The following PCDHGA12 variants were observed in gnomAD, a reference collection of about 807,000 sequenced individuals.
PCDHGA12 encodes protocadherin gamma-A12.
A neutral mutation model predicts 61.1 loss-of-function variants in PCDHGA12; 43 were observed. That is an observed-to-expected ratio of 0.70 (90% CI 0.55 to 0.91). The LOEUF (loss-of-function observed/expected upper bound fraction) is 0.91. PCDHGA12 is among the 40% of genes least tolerant of loss of function. The pLI, the probability that PCDHGA12 is intolerant of heterozygous loss-of-function variation, is 0.00. For missense variants in PCDHGA12, 1,236 were observed against 1,227.7 expected (o/e 1.01, Z -0.10); for synonymous variants, 520 against 542.9 (o/e 0.96, Z 0.59).
chr5:141,453,101 T>TTTTTGTTTTG (rs879618609), intron 1 of PCDHGA12, among the ~76,000 whole-genome samples: 1 of 152,012 alleles, frequency 6.6e-6, no homozygotes, highest in Non-Finnish European at 1.5e-5. Flanking sequence ...TTCTGTTGCT[T>TTTTTGTTTTG]TTTTGTTTTG....
intron 1 of PCDHGA12, among the ~76,000 whole-genome samples, chr5:141,474,227 G>A (rs1394834744): frequency 6.6e-6 from 1 of 152,190 alleles, no homozygotes; most frequent in Non-Finnish European, 1.5e-5. Flanking sequence ...TGTGAATTAA[G>A]TGATGCTGAA....
At chr5:141,475,315 A>G (rs766425496) in intron 1 of PCDHGA12, among the ~76,000 whole-genome samples, 2 of 152,182 alleles carry the variant, frequency 1.3e-5, no homozygotes, top group Non-Finnish European at 2.9e-5. Flanking sequence ...CCTGGTTCTT[A>G]AGAAATGAGA....
intron 2 of PCDHGA12, among the ~76,000 whole-genome samples, chr5:141,504,078 CCAAA>C (rs1272625151): frequency 6.6e-6 from 1 of 152,078 alleles, no homozygotes; most frequent in South Asian, 2.1e-4. Context: ...CCAGATGGTG[CCAAA>C]CAGTTACCTA....
In PCDHGA12 at chr5:141,490,996, G is replaced by A; in HGVS notation, c.2425-3811G>A. ...GCGTCTCCCTCGCTCTGCTCCTCCT[G>A]GCTCCTTGGTCACCAAGGTGACAGC... is the stretch of plus-strand genomic sequence containing the variant. On this transcript the variant is annotated intron_variant, in intron 1 of 3. Transcript: ENST00000252085. This position sits in a 1 kb window ranked among gnomAD's most constrained non-coding sequence, Gnocchi z 5.4. The A allele has an allele frequency of 6.2e-7, 1 of 1,614,090 alleles. No individual in the cohort carries two copies. The highest frequency in any genetic ancestry group is 8.5e-7 in the Non-Finnish European group (1 of 1,180,028).
At chr5:141,440,382 C>T (rs898655247) in intron 1 of PCDHGA12, 2 of 152,178 alleles carry the variant, frequency 1.3e-5, no homozygotes, top group Non-Finnish European at 2.9e-5. Context: ...AGGAGAATCG[C>T]TTGAACCCGA....
At chr5:141,494,644 G>A in intron 1 of PCDHGA12, 163 bp from the exon 2 acceptor site, 1 of 933,684 alleles carries the variant, frequency 1.1e-6, no homozygotes. Flanking sequence ...TGAGACCTGA[G>A]GTGTATTTTG....
At position 141,485,729 on chromosome 5, in the gene PCDHGA12, A is replaced by G. The variant is rs2099618322; in HGVS notation, c.2425-9078A>G. 6.2e-7 allele frequency: 1 copy of G among 1,614,092 alleles called. No individual in the cohort carries two copies. The highest frequency in any genetic ancestry group is 1.1e-5 in the South Asian group (1 of 91,094). ...CTTTGCACTGGATGTGAAGAAGCGCAGCGACGGCAGCCTGGTCCCAGAGCT... is the reference window on the plus strand; with the variant it reads ...CTTTGCACTGGATGTGAAGAAGCGCGGCGACGGCAGCCTGGTCCCAGAGCT... On this transcript the variant is annotated intron_variant, in intron 1 of 3. Coordinates refer to ENST00000252085, the MANE Select transcript of PCDHGA12 (RefSeq NM_003735.3). This position sits in a 1 kb window ranked among gnomAD's most constrained non-coding sequence, Gnocchi z 5.7.
rs367905789 is a variant in PCDHGA12 at position 141,487,335 on chromosome 5, G to A, written c.2425-7472G>A. 11 of 1,614,064 alleles carry A rather than the reference G, an allele frequency of 6.8e-6. No individual in the cohort carries two copies. The highest frequency in any genetic ancestry group is 8.5e-6 in the Non-Finnish European group (10 of 1,180,044). Reference sequence around the variant, plus strand: ...TCTAAGTGTCTTCGTGGGGCAGCCTGTGGAGTCACATGCTTTCCTGCTGGC... The same window carrying A: ...TCTAAGTGTCTTCGTGGGGCAGCCTATGGAGTCACATGCTTTCCTGCTGGC... On this transcript the variant is annotated intron_variant, in intron 1 of 3. Transcript: ENST00000252085. This position sits in a 1 kb window ranked among gnomAD's most constrained non-coding sequence, Gnocchi z 5.0.
At chr5:141,508,927 A>C (rs1562237319) in intron 3 of PCDHGA12, among the ~76,000 whole-genome samples, 1 of 151,542 alleles carries the variant, frequency 6.6e-6, no homozygotes. Context: ...TTCCTTTTGG[A>C]GTTAATTAGG....
intron 2 of PCDHGA12, among the ~76,000 whole-genome samples, chr5:141,503,351 C>T (rs1186394919): frequency 6.6e-6 from 1 of 151,994 alleles, no homozygotes; most frequent in Admixed American, 6.6e-5. Context: ...AATTCCAGCA[C>T]TTTGGGAAGC....
intron 1 of PCDHGA12, among the ~76,000 whole-genome samples, chr5:141,465,592 A>G (rs1485357197): frequency 6.6e-6 from 1 of 152,046 alleles, no homozygotes; most frequent in Non-Finnish European, 1.5e-5. Flanking sequence ...TAATAATCAG[A>G]TCTTATCACT....
chr5:141,477,469 T>C lies in PCDHGA12; in HGVS notation c.2425-17338T>C, dbSNP rs2099411540. ...TGCGTGTTCAAGTGTCCGACATCAA[T>C]GACAACCCTCCACAATCTTCTCAAT... On this transcript the variant is annotated intron_variant, in intron 1 of 3. Coordinates refer to ENST00000252085, the MANE Select transcript of PCDHGA12 (RefSeq NM_003735.3). The surrounding 1 kb of genome is among the most constrained non-coding windows in gnomAD (Gnocchi z 4.9). 6.2e-7 allele frequency: 1 copy of C among 1,614,028 alleles called. No homozygotes were observed. Among genetic ancestry groups the C allele is most frequent in the South Asian group, 1.1e-5 (1 of 91,078 alleles).
rs2097400915 is a variant in PCDHGA12, at chr5:141,431,619, A to G, written c.860A>G (p.Lys287Arg). The part of the protein sequence containing the change: ...VRYSFRYVDD[K>R]AAQVFKLDCN... The stretch of plus-strand genomic sequence containing the variant: ...TATTCCTTCCGGTATGTGGACGACA[A>G]GGCGGCCCAAGTTTTCAAACTAGAT... Residue 287 changes from lysine to arginine, a missense_variant, in exon 1 of 4, where the codon AAG becomes AGG. Lys to Arg is a conservative substitution (Grantham distance 26, BLOSUM62 2). Coordinates refer to ENST00000252085, the MANE Select transcript of PCDHGA12 (RefSeq NM_003735.3). The surrounding 1 kb of genome is among the most constrained non-coding windows in gnomAD (Gnocchi z 4.8). 3.1e-6 allele frequency: 5 copies of G among 1,614,230 alleles called. No homozygotes were observed. The highest frequency in any genetic ancestry group is 4.5e-5 in the East Asian group (2 of 44,880).
At chr5:141,499,570 A>C (rs1027373056) in intron 2 of PCDHGA12, among the ~76,000 whole-genome samples, 2 of 152,200 alleles carry the variant, frequency 1.3e-5, no homozygotes, top group Non-Finnish European at 2.9e-5. Flanking sequence ...TCCAGCTTCA[A>C]CTAATGCCTT....
In PCDHGA12 at chr5:141,485,313, A is replaced by G. The variant is rs758628263; in HGVS notation, c.2425-9494A>G. On this transcript the variant is annotated intron_variant, in intron 1 of 3. Transcript: ENST00000252085. The surrounding 1 kb of genome is among the most constrained non-coding windows in gnomAD (Gnocchi z 5.7). Reference sequence around the variant, plus strand: ...TCACAGGAAGGGACTTTTGTAGGGAATGTCGCTCAAGATTTCCTGCTGGAT... The same window carrying G: ...TCACAGGAAGGGACTTTTGTAGGGAGTGTCGCTCAAGATTTCCTGCTGGAT... 1.2e-6 allele frequency: 2 copies of G among 1,614,186 alleles called. No individual in the cohort carries two copies. Among genetic ancestry groups the G allele is most frequent in the African/African-American group, 1.3e-5 (1 of 75,054 alleles).
intron 2 of PCDHGA12, among the ~76,000 whole-genome samples, chr5:141,504,253 G>A (rs1036263329): frequency 6.6e-6 from 1 of 152,100 alleles, no homozygotes; most frequent in Non-Finnish European, 1.5e-5. Context: ...TTCTTCTTAT[G>A]GTTTAGTATT....
chr5:141,438,983 T>C (rs1296267457), intron 1 of PCDHGA12, among the ~76,000 whole-genome samples: 1 of 151,930 alleles, frequency 6.6e-6, no homozygotes, highest in Non-Finnish European at 1.5e-5. Context: ...TGACTTATCT[T>C]AAAAGGCTAA....
At position 141,489,590 on chromosome 5, in the gene PCDHGA12, T is replaced by C; in HGVS notation, c.2425-5217T>C. The C allele has an allele frequency of 6.2e-7, 1 of 1,614,044 alleles. No homozygotes were observed. Among genetic ancestry groups the C allele is most frequent in the Non-Finnish European group, 8.5e-7 (1 of 1,179,984 alleles). ...GTGACTGAACACCCCCTGGAGCTAA[T>C]CCGTGTAGAGGTAGAGATCCTGGAT... On this transcript the variant is annotated intron_variant, in intron 1 of 3. Transcript: ENST00000252085. The surrounding 1 kb of genome is among the most constrained non-coding windows in gnomAD (Gnocchi z 4.5).
intron 2 of PCDHGA12, among the ~76,000 whole-genome samples, chr5:141,499,829 G>A (rs1322405697): frequency 6.6e-6 from 1 of 151,548 alleles, no homozygotes; most frequent in African/African-American, 2.4e-5. Context: ...TAGGATTACA[G>A]GTGTGCACCA....
Sources: gnomAD v4.1 joint callset for allele counts (sites outside exome capture counted in the v4.1 genomes callset) on GRCh38, gnomAD v4.1.1 for gene constraint, Gnocchi (gnomAD v3.1) non-coding constraint, MANE v1.5 for transcripts, NCBI Gene and HGNC (gene_info 2026-07-23, HGNC 2026-07-21) for gene names.